PLEKHA5: variants seen among roughly 807,000 people sequenced by gnomAD.
The protein encoded by PLEKHA5 is pleckstrin homology domain-containing family A member 5.
In PLEKHA5, 55 loss-of-function variants were observed where a neutral mutation model predicts 181.9. The ratio of observed to expected loss-of-function variants is 0.30; its 90% confidence interval spans 0.24 to 0.38. The LOEUF (loss-of-function observed/expected upper bound fraction) is 0.38. Among genes scored for constraint, PLEKHA5 ranks in the 10% least tolerant of loss-of-function variants. PLEKHA5 has a pLI of 1.00. For synonymous variants in PLEKHA5, 535 were observed against 529.4 expected (o/e 1.01, Z -0.15); for missense variants, 1,432 against 1,549.5 (o/e 0.92, Z 1.27).
intron 11 of PLEKHA5, 89 bp from the exon 12 acceptor site, chr12:19,283,191 C>T (rs886597924): frequency 8.8e-5 from 39 of 444,914 alleles, no homozygotes; most frequent in Non-Finnish European, 1.4e-4. Context: ...GTATATTTTA[C>T]TTACTGGAAC....
intron 3 of PLEKHA5, among the ~76,000 whole-genome samples, chr12:19,198,993 A>G (rs1208055765): frequency 1.3e-5 from 2 of 152,176 alleles, no homozygotes; most frequent in African/African-American, 2.4e-5. Flanking sequence ...CATTGTCTAT[A>G]GCAAAAGACA....
intron 3 of PLEKHA5, among the ~76,000 whole-genome samples, chr12:19,185,475 C>G (rs1487077115): frequency 6.6e-6 from 1 of 151,972 alleles, no homozygotes; most frequent in South Asian, 2.1e-4. Flanking sequence ...GAGAGAAAGA[C>G]AGAGAGAGGA....
intron 3 of PLEKHA5, among the ~76,000 whole-genome samples, chr12:19,144,096 A>C (rs1259998466): frequency 6.6e-6 from 1 of 152,214 alleles, no homozygotes. Flanking sequence ...TCATTTCTCC[A>C]TAACTGCAAT....
intron 21 of PLEKHA5, among the ~76,000 whole-genome samples, chr12:19,340,401 T>C (rs2093776637): frequency 7.2e-6 from 1 of 138,872 alleles, no homozygotes. Flanking sequence ...AGCCGCCCCG[T>C]CCGGGAGGTG....
intron 3 of PLEKHA5, among the ~76,000 whole-genome samples, chr12:19,238,947 C>T (rs963925645): frequency 5.3e-5 from 8 of 152,118 alleles, no homozygotes; most frequent in Non-Finnish European, 1.2e-4. Context: ...TTGAGGAACG[C>T]TTTCCACCAA....
chr12:19,367,535 G>A (rs1436695720), intron 30 of PLEKHA5, among the ~76,000 whole-genome samples: 4 of 150,138 alleles, frequency 2.7e-5, no homozygotes, highest in South Asian at 2.1e-4. Flanking sequence ...GATTACAGGC[G>A]TGAGCCACCA....
At chr12:19,291,525 G>A (rs1014153343) in intron 14 of PLEKHA5, 119 bp from the exon 15 acceptor site, 5 of 586,726 alleles carry the variant, frequency 8.5e-6, no homozygotes, top group South Asian at 4.5e-5. Flanking sequence ...GAAAGTTGTC[G>A]TGTACTGTGA....
chr12:19,296,103 G>A (rs2079702685), intron 15 of PLEKHA5, among the ~76,000 whole-genome samples: 1 of 151,898 alleles, frequency 6.6e-6, no homozygotes, highest in Admixed American at 6.6e-5. Flanking sequence ...GCATGGTGGT[G>A]GGCACCTGTA....
At chr12:19,189,442 A>G (rs2050582215) in intron 3 of PLEKHA5, among the ~76,000 whole-genome samples, 1 of 152,158 alleles carries the variant, frequency 6.6e-6, no homozygotes, top group Non-Finnish European at 1.5e-5. Context: ...GAAGAGAGGA[A>G]TAAATTGCAG....
intron 11 of PLEKHA5, among the ~76,000 whole-genome samples, chr12:19,281,724 T>G (rs2076199719): frequency 6.6e-6 from 1 of 152,164 alleles, no homozygotes; most frequent in Admixed American, 6.5e-5. Flanking sequence ...GTTGGCACTG[T>G]GATAGTTTTA....
chr12:19,146,653 C>T (rs2038997801), intron 3 of PLEKHA5, among the ~76,000 whole-genome samples: 2 of 152,268 alleles, frequency 1.3e-5, no homozygotes, highest in South Asian at 4.1e-4. Context: ...TTTTCTCCTG[C>T]AACCCAGTGG....
At chr12:19,320,674 CA>C (rs761971026) in intron 18 of PLEKHA5, 50 bp downstream of exon 18, 27 of 808,432 alleles carry the variant, frequency 3.3e-5, no homozygotes, top group South Asian at 1.9e-4. Context: ...TATTCTCCGC[CA>C]AAAACACTGG....
chr12:19,239,380 C>T (rs1262289837), intron 3 of PLEKHA5, among the ~76,000 whole-genome samples: 3 of 152,120 alleles, frequency 2.0e-5, no homozygotes, highest in African/African-American at 7.2e-5. Flanking sequence ...CCACTCTGCT[C>T]ACAATGTCAC....
intron 3 of PLEKHA5, among the ~76,000 whole-genome samples, chr12:19,238,455 A>T (rs548747718): frequency 6.6e-6 from 1 of 152,204 alleles, no homozygotes; most frequent in African/African-American, 2.4e-5. Flanking sequence ...GCTCTATTTG[A>T]CTTGACAGTC....
At chr12:19,229,009 G>A (rs1330485594) in intron 3 of PLEKHA5, among the ~76,000 whole-genome samples, 2 of 152,090 alleles carry the variant, frequency 1.3e-5, no homozygotes, top group Admixed American at 6.5e-5. Flanking sequence ...TGTTGACAAA[G>A]GAATTTATAC....
At chr12:19,286,304 A>G (rs111552936) in intron 12 of PLEKHA5, among the ~76,000 whole-genome samples, 1 of 152,248 alleles carries the variant, frequency 6.6e-6, no homozygotes, top group African/African-American at 2.4e-5. Flanking sequence ...ATATTAATGT[A>G]ACAGAGTATC....
intron 30 of PLEKHA5, among the ~76,000 whole-genome samples, chr12:19,366,640 G>C (rs183734111): frequency 6.6e-6 from 1 of 152,072 alleles, no homozygotes; most frequent in African/African-American, 2.4e-5. Flanking sequence ...GTGACAGAGC[G>C]AGACTCCTTC....
chr12:19,266,148 A>G (rs916523655), intron 8 of PLEKHA5, among the ~76,000 whole-genome samples: 2 of 152,106 alleles, frequency 1.3e-5, no homozygotes, highest in Non-Finnish European at 2.9e-5. Flanking sequence ...TGATTATTAT[A>G]CGTTTTTTCA....
At chr12:19,198,087 C>T (rs1380423795) in intron 3 of PLEKHA5, among the ~76,000 whole-genome samples, 1 of 152,138 alleles carries the variant, frequency 6.6e-6, no homozygotes. Flanking sequence ...TTTGCTTTTC[C>T]CCTGCTTCTC....
Sources: allele counts gnomAD v4.1 joint callset (sites outside exome capture counted in the v4.1 genomes callset), GRCh38; gene constraint gnomAD v4.1.1; transcripts MANE v1.5; gene names NCBI Gene and HGNC (gene_info 2026-07-23, HGNC 2026-07-21).